Variants in CFAP126 observed in about 807,000 individuals in gnomAD.
CFAP126 encodes cilia and flagella associated protein 126.
CFAP126 carries 21 observed loss-of-function variants against 17.1 expected under a neutral mutation model. That is an observed-to-expected ratio of 1.23 (90% CI 0.87 to 1.77). The LOEUF is 1.77. Among genes scored for constraint, CFAP126 ranks in the 40% most tolerant of loss-of-function variants. CFAP126 has a pLI of 0.00. For synonymous variants in CFAP126, 65 were observed against 73.5 expected, an observed-to-expected ratio of 0.88 and a Z score of 0.59; for missense variants, 174 against 215.4, an observed-to-expected ratio of 0.81 and a Z score of 1.20.
At chr1:161,367,145 G>A (rs1672755394) in intron 1 of CFAP126, 1 of 152,166 alleles carries the variant, frequency 6.6e-6, no homozygotes, top group South Asian at 2.1e-4. Context: ...CTGATTAAAT[G>A]TTGAAATAAT....
intron 4 of CFAP126, 99 bp from the exon 5 acceptor site, chr1:161,365,249 A>G (rs2102392371): frequency 8.2e-7 from 1 of 1,226,958 alleles, no homozygotes; most frequent in East Asian, 2.4e-5. Flanking sequence ...TCCCCATACC[A>G]TGGGCAGTAG....
rs1447365184 is a variant in CFAP126, at chr1:161,364,879, A to G, written c.*86T>C. On this transcript the variant is annotated 3_prime_UTR_variant, in exon 5 of 5. Transcript: ENST00000367974. ...TTCAGTGTGTGGCCACTTGGTCCAT[A>G]TGAAGTTCCAGGTTTGTATTTCTGG... 2.3e-6 allele frequency: 3 copies of G among 1,313,358 alleles called. No homozygotes were observed. The African/African-American group carries it at 4.4e-5, about 19-fold the overall frequency. 81.4% of individuals were successfully genotyped at this position (1,313,358 alleles called of 1,614,324 possible). A position where few individuals can be genotyped will look rare whatever the true frequency, so the allele number is the denominator to read the frequency against.
Sources: gnomAD v4.1 joint callset for allele counts on GRCh38, gnomAD v4.1.1 for gene constraint, MANE v1.5 for transcripts, NCBI Gene and HGNC (gene_info 2026-07-23, HGNC 2026-07-21) for gene names.